The following CTDSPL variants were observed in gnomAD, a reference collection of about 807,000 sequenced individuals.
CTDSPL encodes CTD small phosphatase like.
In CTDSPL, 8 loss-of-function variants were observed where a neutral mutation model predicts 30.5. The ratio of observed to expected loss-of-function variants is 0.26; its 90% CI spans 0.15 to 0.47. CTDSPL has a LOEUF of 0.47. Ranked by LOEUF, CTDSPL falls within the 20% of genes least tolerant of loss-of-function variation. The pLI, the probability that CTDSPL is intolerant of heterozygous loss-of-function variation, is 0.99. For missense variants in CTDSPL, 248 were observed against 366.1 expected (o/e 0.68, Z 2.63); for synonymous variants, 110 against 137.9 (o/e 0.80, Z 1.42).
At chr3:37,904,505 G>A (rs1229484875) in intron 1 of CTDSPL, among the ~76,000 whole-genome samples, 2 of 152,136 alleles carry the variant, frequency 1.3e-5, no homozygotes, top group Admixed American at 1.3e-4. Flanking sequence ...ATAAATGGGG[G>A]CACCTGTCAA....
intron 4 of CTDSPL, 28 bp downstream of exon 4, chr3:37,964,700 G>A (rs1405599607): frequency 2.0e-6 from 3 of 1,492,060 alleles, no homozygotes; most frequent in African/African-American, 2.8e-5. Flanking sequence ...AAAAATCCAT[G>A]ATCTTTGTGA....
chr3:37,974,808 A>G (rs1394036239), intron 6 of CTDSPL, among the ~76,000 whole-genome samples: 1 of 152,166 alleles, frequency 6.6e-6, no homozygotes, highest in African/African-American at 2.4e-5. Flanking sequence ...GGTCTGGCCC[A>G]AGTGCCCAGA....
At chr3:37,927,102 T>A (rs1208248457) in intron 1 of CTDSPL, among the ~76,000 whole-genome samples, 1 of 152,118 alleles carries the variant, frequency 6.6e-6, no homozygotes, top group Non-Finnish European at 1.5e-5. Flanking sequence ...AATGCTGATA[T>A]GAAGCCACAA....
intron 1 of CTDSPL, among the ~76,000 whole-genome samples, chr3:37,933,624 T>C (rs1379220219): frequency 2.6e-5 from 4 of 152,222 alleles, no homozygotes; most frequent in Non-Finnish European, 5.9e-5. Flanking sequence ...AGCTAAGTCA[T>C]CTTGGGCAAG....
intron 3 of CTDSPL, among the ~76,000 whole-genome samples, chr3:37,958,068 G>C (rs936424394): frequency 6.6e-6 from 1 of 152,048 alleles, no homozygotes; most frequent in African/African-American, 2.4e-5. Flanking sequence ...TCTTTCCTTG[G>C]AGTTTTTCAC....
rs562942615 is a variant in CTDSPL, at chr3:37,902,434, G to A, written c.79+40156G>A. Among the ~76,000 whole-genome samples the A allele has an allele frequency of 6.6e-5, 10 of 152,136 alleles. No individual in the cohort carries two copies. In the East Asian group the frequency reaches 1.4e-3, roughly 21 times the overall value. On this transcript the variant is annotated intron_variant, in intron 1 of 7. Coordinates refer to ENST00000273179, the MANE Select transcript of CTDSPL (RefSeq NM_001008392.2). ...TATGGGTCACAGCAACAAATAGTCC[G>A]TTTTCCATGGGTCTCTGTACTTCCC... is the stretch of plus-strand genomic sequence containing the variant.
chr3:37,927,670 G>A (rs9874174), intron 1 of CTDSPL, among the ~76,000 whole-genome samples: 9,695 of 122,530 alleles, frequency 0.079, 649 homozygotes, highest in African/African-American at 0.2. Flanking sequence ...GTGTGTGTGT[G>A]TGTGTGTGTA....
chr3:37,941,948 A>G (rs1698983641), intron 1 of CTDSPL, among the ~76,000 whole-genome samples: 1 of 150,242 alleles, frequency 6.7e-6, no homozygotes, highest in South Asian at 2.2e-4. Context: ...GCTCTGCAGA[A>G]GAGAGCTAAG....
intron 5 of CTDSPL, chr3:37,969,382 G>A (rs773726836): frequency 9.6e-6 from 5 of 522,358 alleles, no homozygotes; most frequent in Non-Finnish European, 1.2e-5. Context: ...AGAGCAGGAG[G>A]ACCAAGGCCC....
chr3:37,921,010 C>T (rs964550607), intron 1 of CTDSPL, among the ~76,000 whole-genome samples: 4 of 152,224 alleles, frequency 2.6e-5, no homozygotes, highest in Non-Finnish European at 5.9e-5. Flanking sequence ...TTTTGGGCCT[C>T]TGTGAGCCTC....
intron 1 of CTDSPL, among the ~76,000 whole-genome samples, chr3:37,921,553 C>T (rs1408404620): frequency 6.6e-6 from 1 of 151,910 alleles, no homozygotes; most frequent in African/African-American, 2.4e-5. Flanking sequence ...TTTTTTCTCC[C>T]AGTACCTAGT....
rs1350427673 is a variant in CTDSPL, at chr3:37,981,898, G to A, written c.*1031G>A. The A allele has an allele frequency of 6.6e-6, 3 of 457,028 alleles. No individual in the cohort carries two copies. Among genetic ancestry groups the A allele is most frequent in the African/African-American group, 2.0e-5 (1 of 50,088 alleles). 28.3% of individuals were successfully genotyped at this position (457,028 alleles called of 1,614,324 possible). A position where few individuals can be genotyped will look rare whatever the true frequency, so the allele number is the denominator to read the frequency against. ...TGCCACCAAATGGAATTGACCAGCGGCTGTTACACTGTTCTTTGCCACTGT... is the reference window on the plus strand; with the variant it reads ...TGCCACCAAATGGAATTGACCAGCGACTGTTACACTGTTCTTTGCCACTGT... On this transcript the variant is annotated 3_prime_UTR_variant, in exon 8 of 8. Transcript: ENST00000273179.
At chr3:37,892,892 T>C (rs1698344537) in intron 1 of CTDSPL, among the ~76,000 whole-genome samples, 1 of 152,194 alleles carries the variant, frequency 6.6e-6, no homozygotes, top group Non-Finnish European at 1.5e-5. Context: ...TCAGCACCAT[T>C]TTCAGTGGCA....
At chr3:37,931,762 T>A (rs1698857497) in intron 1 of CTDSPL, among the ~76,000 whole-genome samples, 1 of 152,146 alleles carries the variant, frequency 6.6e-6, no homozygotes, top group Non-Finnish European at 1.5e-5. Context: ...GGGCCAATCT[T>A]AATCTTGGAA....
chr3:37,934,472 G>A (rs1165211032), intron 1 of CTDSPL, among the ~76,000 whole-genome samples: 5 of 152,082 alleles, frequency 3.3e-5, no homozygotes, highest in African/African-American at 7.2e-5. Context: ...TAGATTGTAC[G>A]AATTTAGAAA....
intron 1 of CTDSPL, among the ~76,000 whole-genome samples, chr3:37,945,048 G>A (rs1699019585): frequency 1.3e-5 from 2 of 150,290 alleles, no homozygotes; most frequent in African/African-American, 4.8e-5. Context: ...ACCTGGGAAG[G>A]TGCTTTCTGC....
At chr3:37,953,027 AAATT>A (rs1699127736) in intron 2 of CTDSPL, among the ~76,000 whole-genome samples, 1 of 152,256 alleles carries the variant, frequency 6.6e-6, no homozygotes, top group African/African-American at 2.4e-5. Context: ...AAAACAAGTG[AAATT>A]AATTTTAATA....
intron 1 of CTDSPL, among the ~76,000 whole-genome samples, chr3:37,935,239 C>T (rs1381399257): frequency 6.6e-6 from 1 of 152,184 alleles, no homozygotes; most frequent in Non-Finnish European, 1.5e-5. Flanking sequence ...GAGCAACCAG[C>T]AACATGTGAG....
At chr3:37,942,385 G>GCC (rs1164840171) in intron 1 of CTDSPL, among the ~76,000 whole-genome samples, 2 of 150,616 alleles carry the variant, frequency 1.3e-5, no homozygotes, top group Non-Finnish European at 3.0e-5. Flanking sequence ...CCTCACAACT[G>GCC]TAAGCCCAGC....
Sources: allele counts gnomAD v4.1 joint callset (sites outside exome capture counted in the v4.1 genomes callset), GRCh38; gene constraint gnomAD v4.1.1; transcripts MANE v1.5; gene names NCBI Gene and HGNC (gene_info 2026-07-23, HGNC 2026-07-21).